Variants in LRR1 observed in about 807,000 individuals in gnomAD.
LRR1 encodes leucine rich repeat protein 1, also known as leucine-rich repeat protein 1.
Under a neutral mutation model 31.6 loss-of-function variants are expected in LRR1, and 29 were observed. The observed-to-expected ratio is 0.92, with a 90% CI of 0.68 to 1.25. LRR1 has a LOEUF of 1.25. LRR1 is among the 50% of genes most tolerant of loss of function. The probability of loss-of-function intolerance (pLI) is 0.00; values close to 1 mark genes in which losing one functional copy is unlikely to be tolerated. For missense variants in LRR1, 485 were observed against 487.2 expected, an observed-to-expected ratio of 1.00 and a Z score of 0.04; for synonymous variants, 179 against 181.4, an observed-to-expected ratio of 0.99 and a Z score of 0.10.
At chr14:49,613,453 T>C (rs956782414) in intron 3 of LRR1, among the ~76,000 whole-genome samples, 1 of 145,130 alleles carries the variant, frequency 6.9e-6, no homozygotes, top group African/African-American at 2.6e-5. Flanking sequence ...TGCAATGAGC[T>C]GAGATTGCAC....
intron 3 of LRR1, chr14:49,612,529 T>C (rs1329445854): frequency 1.6e-6 from 2 of 1,233,474 alleles, no homozygotes; most frequent in Non-Finnish European, 2.1e-6. Context: ...CTGGCAGAGT[T>C]TTTTAAAAAA....
intron 3 of LRR1, among the ~76,000 whole-genome samples, chr14:49,613,941 G>A (rs1377727954): frequency 6.6e-6 from 1 of 152,174 alleles, no homozygotes; most frequent in Non-Finnish European, 1.5e-5. Flanking sequence ...TGTCCCAAGT[G>A]ACATGTATTT....
intron 3 of LRR1, among the ~76,000 whole-genome samples, chr14:49,613,783 A>T (rs1001005691): frequency 6.6e-6 from 1 of 152,194 alleles, no homozygotes; most frequent in Non-Finnish European, 1.5e-5. Flanking sequence ...ACTGCACTCT[A>T]GCCTGGGTGT....
chr14:49,603,226 T>TG (rs55969936), intron 2 of LRR1, among the ~76,000 whole-genome samples: 107,519 of 151,988 alleles, frequency 0.71, 39,213 homozygotes, highest in Non-Finnish European at 0.76. Flanking sequence ...CTTGCAGGTT[T>TG]TTTGAAGAGG....
chr14:49,611,364 A>G (rs1177456537), intron 3 of LRR1, among the ~76,000 whole-genome samples: 2 of 152,158 alleles, frequency 1.3e-5, no homozygotes, highest in South Asian at 2.1e-4. Context: ...AATCCCAGCT[A>G]CTCAGGAGGC....
At chr14:49,612,353 A>G (rs1414639888) in intron 3 of LRR1, 3 of 554,180 alleles carry the variant, frequency 5.4e-6, no homozygotes, top group Non-Finnish European at 7.1e-6. Context: ...CTGTTGATAA[A>G]TGGCTCTAAC....
Position 49,608,102 on chromosome 14 carries a change from C to T in LRR1, c.985C>T (p.Arg329Ter), listed in dbSNP as rs140364791. 2.9e-4 allele frequency: 460 copies of T among 1,585,284 alleles called. No individual in the cohort carries two copies. The highest frequency in any genetic ancestry group is 5.4e-4 in the Admixed American group (29 of 53,414). ...ATTAACTTTATTGGAATCTTCTGCA[C>T]GAACCATATTACATAATAGGTAAGA... ...APLTLLESSARTILHNRIPYG... is the reference protein window; with the variant it reads ...APLTLLESSA Residue 329 changes from arginine to a stop codon, truncating the protein, a stop_gained, in exon 3 of 4, where the codon CGA (arginine) becomes TGA (stop). Transcript: ENST00000298288. LOFTEE classifies it high-confidence loss of function.
chr14:49,601,265 A>G (rs1882040846), intron 1 of LRR1: 3 of 1,122,602 alleles, frequency 2.7e-6, no homozygotes, highest in Non-Finnish European at 3.7e-6. Flanking sequence ...CCTTGTCTTG[A>G]TATTTGTTAT....
chr14:49,612,675 C>T, intron 3 of LRR1: 12 of 1,017,664 alleles, frequency 1.2e-5, no homozygotes, highest in Non-Finnish European at 1.4e-5. Flanking sequence ...ACTTTTCTGA[C>T]AGGGTTTTAA....
At chr14:49,600,137 C>T (rs1881995090) in intron 1 of LRR1, 3 of 1,550,578 alleles carry the variant, frequency 1.9e-6, no homozygotes, top group Non-Finnish European at 2.7e-6. Flanking sequence ...ACTACACAGT[C>T]AGCGTCACCG....
At chr14:49,611,675 C>T (rs924297589) in intron 3 of LRR1, among the ~76,000 whole-genome samples, 1 of 152,240 alleles carries the variant, frequency 6.6e-6, no homozygotes, top group African/African-American at 2.4e-5. Flanking sequence ...GTAATCCCAG[C>T]ACTTTGGGAG....
Position 49,614,356 on chromosome 14 carries a change from C to T in LRR1, c.1105C>T (p.Gln369Ter), listed in dbSNP as rs200336496. Residue 369 changes from glutamine to a stop codon, truncating the protein, a stop_gained, in exon 4 of 4, where the codon CAA becomes TAA. Transcript: ENST00000298288. LOFTEE classifies it high-confidence loss of function. ...CGRFCLNSFI[Q>*]GTTTMNLHSV... ...AAGATTCTGTCTGAACTCTTTCATTCAAGGAACTACTACCATGAATCTGCA... is the reference window on the plus strand; with the variant it reads ...AAGATTCTGTCTGAACTCTTTCATTTAAGGAACTACTACCATGAATCTGCA... The T allele has an allele frequency of 6.2e-7, 1 of 1,613,842 alleles. No homozygotes were observed. The highest frequency in any genetic ancestry group is 1.3e-5 in the African/African-American group (1 of 74,908).
intron 1 of LRR1, 68 bp downstream of exon 1, chr14:49,599,271 G>C: frequency 2.7e-6 from 4 of 1,476,006 alleles, no homozygotes; most frequent in Non-Finnish European, 3.6e-6. Context: ...GGCCACCCTC[G>C]GTCCTCATGC....
chr14:49,602,561 C>A (rs1275257641), intron 2 of LRR1, 93 bp downstream of exon 2: 1 of 1,059,296 alleles, frequency 9.4e-7, no homozygotes, highest in East Asian at 2.5e-5. Context: ...AGCTGAAGTA[C>A]AGAGGCATAG....
At chr14:49,613,216 A>G (rs377740501) in intron 3 of LRR1, among the ~76,000 whole-genome samples, 2 of 151,870 alleles carry the variant, frequency 1.3e-5, no homozygotes, top group African/African-American at 2.4e-5. Context: ...GCGGGCACCT[A>G]TAGTCCCAGC....
intron 3 of LRR1, among the ~76,000 whole-genome samples, chr14:49,610,202 C>A (rs190351785): frequency 2.2e-4 from 34 of 151,210 alleles, no homozygotes; most frequent in Non-Finnish European, 3.7e-4. Context: ...ACACTAACTG[C>A]ATTTGGTTTC....
At chr14:49,609,332 T>G (rs1476028429) in intron 3 of LRR1, among the ~76,000 whole-genome samples, 1 of 148,108 alleles carries the variant, frequency 6.8e-6, no homozygotes, top group Non-Finnish European at 1.5e-5. Flanking sequence ...CTCAAGCAAC[T>G]CTTCTGCCTC....
At chr14:49,608,504 G>A (rs923093909) in intron 3 of LRR1, among the ~76,000 whole-genome samples, 50 of 113,028 alleles carry the variant, frequency 4.4e-4, no homozygotes, top group South Asian at 1.9e-3. Flanking sequence ...TTTGTTTACT[G>A]TCAGTTTTCC....
chr14:49,613,368 G>A (rs565097306), intron 3 of LRR1, among the ~76,000 whole-genome samples: 19 of 151,736 alleles, frequency 1.3e-4, no homozygotes, highest in African/African-American at 4.6e-4. Context: ...AGCCGGGAAT[G>A]TTGGCGTGTG....
Sources: gnomAD v4.1 joint callset for allele counts (sites outside exome capture counted in the v4.1 genomes callset) on GRCh38, gnomAD v4.1.1 for gene constraint, MANE v1.5 for transcripts, NCBI Gene and HGNC (gene_info 2026-07-23, HGNC 2026-07-21) for gene names.